The following NIBAN2 variants were observed in gnomAD, a reference collection of about 807,000 sequenced individuals.
NIBAN2 encodes the protein protein Niban 2.
Under a neutral mutation model 81.8 loss-of-function variants are expected in NIBAN2, and 36 were observed. The ratio of observed to expected loss-of-function variants is 0.44; its 90% CI spans 0.34 to 0.58. The LOEUF (loss-of-function observed/expected upper bound fraction) is 0.58, where lower values mean the gene tolerates loss of function less well. Among genes scored for constraint, NIBAN2 ranks in the 20% least tolerant of loss-of-function variants. NIBAN2 has a pLI of 0.02. For missense variants in NIBAN2, 897 were observed against 1,014.1 expected, an observed-to-expected ratio of 0.88 and a Z score of 1.57; for synonymous variants, 445 against 441.6, an observed-to-expected ratio of 1.01 and a Z score of -0.10.
upstream of NIBAN2, among the ~76,000 whole-genome samples, chr9:127,572,741 A>AT (rs986727596): frequency 1.7e-4 from 26 of 149,536 alleles, no homozygotes; most frequent in Admixed American, 8.7e-4. Context: ...TGTTGCGAGG[A>AT]TTTTTTTTTT....
chr9:127,510,346 G>T lies in NIBAN2; in HGVS notation c.974-13C>A, dbSNP rs1836712805. 6.3e-7 allele frequency: 1 copy of T among 1,581,790 alleles called. No individual in the cohort carries two copies. Among genetic ancestry groups the T allele is most frequent in the African/African-American group, 1.3e-5 (1 of 74,194 alleles). Reference sequence around the variant, plus strand: ...GGGAGGATGAAGGCTGTGCCCCGAGGGAGCCGGGTCAGCAGGGGCTCCCCA... The same window carrying T: ...GGGAGGATGAAGGCTGTGCCCCGAGTGAGCCGGGTCAGCAGGGGCTCCCCA... On this transcript the variant is annotated splice_polypyrimidine_tract_variant and intron_variant, in intron 8 of 13. Coordinates refer to ENST00000373312, the MANE Select transcript of NIBAN2 (RefSeq NM_022833.4).
intron 1 of NIBAN2, among the ~76,000 whole-genome samples, chr9:127,565,950 A>T (rs57393309): frequency 0.14 from 16,984 of 122,472 alleles, 1,138 homozygotes; most frequent in East Asian, 0.28. Flanking sequence ...TCTCTCTCAC[A>T]CACACACACA....
chr9:127,524,992 C>A lies in NIBAN2; in HGVS notation c.421+66G>T, dbSNP rs1320713398. The A allele has an allele frequency of 6.2e-6, 8 of 1,285,570 alleles. No individual in the cohort carries two copies. In the Admixed American group the frequency reaches 1.0e-4, roughly 17 times the overall value. 79.6% of individuals were successfully genotyped at this position (1,285,570 alleles called of 1,614,324 possible). A position where few individuals can be genotyped will look rare whatever the true frequency, so the allele number is the denominator to read the frequency against. Reference sequence around the variant, plus strand: ...GCTGAAAGCAATGGGCTCAGGGCCACCCCTCCCCTGGCCAGCTCCAGATGC... The same window carrying A: ...GCTGAAAGCAATGGGCTCAGGGCCAACCCTCCCCTGGCCAGCTCCAGATGC... On this transcript the variant is annotated intron_variant, in intron 4 of 13. Transcript: ENST00000373312.
intron 1 of NIBAN2, among the ~76,000 whole-genome samples, chr9:127,543,107 G>A (rs954750339): frequency 1.1e-4 from 16 of 152,218 alleles, no homozygotes; most frequent in African/African-American, 3.9e-4. Context: ...AATGACAGCC[G>A]TGTGACCCTG....
At chr9:127,553,860 C>T (rs2132225129) in intron 1 of NIBAN2, among the ~76,000 whole-genome samples, 1 of 152,270 alleles carries the variant, frequency 6.6e-6, no homozygotes, top group East Asian at 1.9e-4. Context: ...GGACTATAGG[C>T]TTGTGCCACC....
chr9:127,511,039 ATAT>A (rs996097304), intron 8 of NIBAN2, among the ~76,000 whole-genome samples: 2 of 151,646 alleles, frequency 1.3e-5, no homozygotes, highest in African/African-American at 4.9e-5. Flanking sequence ...TCTTCCCATC[ATAT>A]TATTATTGTT....
chr9:127,511,097 T>C (rs1341935808), intron 8 of NIBAN2, among the ~76,000 whole-genome samples: 1 of 152,126 alleles, frequency 6.6e-6, no homozygotes, highest in Non-Finnish European at 1.5e-5. Flanking sequence ...CAGTCTGGAA[T>C]GTAATGGCAC....
intron 1 of NIBAN2, among the ~76,000 whole-genome samples, chr9:127,543,661 T>C (rs893653357): frequency 1.3e-5 from 2 of 152,144 alleles, no homozygotes; most frequent in Non-Finnish European, 2.9e-5. Context: ...CCTGGGCGTC[T>C]CTCGCCTCCA....
chr9:127,534,059 AGGGGAGAG>A (rs1837230601), intron 1 of NIBAN2, among the ~76,000 whole-genome samples: 1 of 152,142 alleles, frequency 6.6e-6, no homozygotes, highest in African/African-American at 2.4e-5. Context: ...CGGACCCATG[AGGGGAGAG>A]GCTTCCTGGT....
upstream of NIBAN2, among the ~76,000 whole-genome samples, chr9:127,574,011 T>TA (rs1281844222): frequency 1.3e-5 from 2 of 152,222 alleles, no homozygotes; most frequent in Non-Finnish European, 2.9e-5. Context: ...TCTGTGGGAA[T>TA]GTCTATCTTT....
At chr9:127,553,595 G>A (rs989826398) in intron 1 of NIBAN2, among the ~76,000 whole-genome samples, 5 of 152,216 alleles carry the variant, frequency 3.3e-5, no homozygotes, top group South Asian at 2.1e-4. Context: ...GGAGACAGGC[G>A]GAAGGGAAGC....
Position 127,514,890 on chromosome 9 carries a change from A to G in NIBAN2, c.973+1967T>C, listed in dbSNP as rs141972654. Among the ~76,000 whole-genome samples, 333 of 152,330 alleles carry G rather than the reference A, an allele frequency of 2.2e-3. 3 individuals carry two copies. The East Asian group carries it at 0.042, about 19-fold the overall frequency. On this transcript the variant is annotated intron_variant, in intron 8 of 13. Transcript: ENST00000373312. ...AAGAATAACCTACAGGAGACCAGGC[A>G]CGGCCACTCATGCCTGTAATCCCAG...
chr9:127,533,940 A>G (rs560966021), intron 1 of NIBAN2, among the ~76,000 whole-genome samples: 2 of 152,334 alleles, frequency 1.3e-5, no homozygotes, highest in East Asian at 3.9e-4. Context: ...GTTTCTGAAT[A>G]GAGGTGAGTG....
chr9:127,551,325 C>T (rs943799401), intron 1 of NIBAN2, among the ~76,000 whole-genome samples: 2 of 152,074 alleles, frequency 1.3e-5, no homozygotes, highest in African/African-American at 2.4e-5. Context: ...GAGTTCAAGA[C>T]CGGCCTGGGC....
At position 127,565,205 on chromosome 9, in the gene NIBAN2, G is replaced by A. The variant is rs536652435; in HGVS notation, c.55+3615C>T. 8.6e-5 allele frequency among the ~76,000 whole-genome samples: 13 copies of A among 152,010 alleles called. No individual in the cohort carries two copies. In the South Asian group the frequency reaches 2.7e-3, roughly 32 times the overall value. On this transcript the variant is annotated intron_variant, in intron 1 of 13. Transcript: ENST00000373312. ...TTGAACTCCCCAGCTCAAGCAATCC[G>A]CCCTCCTCAGCCTCCCAAAGTGCTG...
At chr9:127,509,262 G>C (rs1466778499) in intron 9 of NIBAN2, 131 bp from the exon 10 acceptor site, 15 of 845,282 alleles carry the variant, frequency 1.8e-5, no homozygotes, top group African/African-American at 3.4e-5. Context: ...TGGCCACCTG[G>C]TGCTCATGGC....
upstream of NIBAN2, chr9:127,569,196 G>A: frequency 2.5e-6 from 1 of 402,852 alleles, no homozygotes; most frequent in Non-Finnish European, 2.9e-6. Context: ...GTCCCACCCC[G>A]CCCCGCCCCG....
At chr9:127,566,420 C>T (rs535034056) in intron 1 of NIBAN2, among the ~76,000 whole-genome samples, 20 of 152,302 alleles carry the variant, frequency 1.3e-4, no homozygotes, top group African/African-American at 4.1e-4. Context: ...ATCCTGCCAC[C>T]AGCCCCGTGG....
At chr9:127,557,362 G>C (rs187389433) in intron 1 of NIBAN2, among the ~76,000 whole-genome samples, 66 of 152,296 alleles carry the variant, frequency 4.3e-4, no homozygotes, top group Non-Finnish European at 8.8e-5. Context: ...GGGGGAAACT[G>C]AGGCTTGGAG....
Sources: allele counts gnomAD v4.1 joint callset (sites outside exome capture counted in the v4.1 genomes callset), GRCh38; gene constraint gnomAD v4.1.1; transcripts MANE v1.5; gene names NCBI Gene and HGNC (gene_info 2026-07-23, HGNC 2026-07-21).